Variants in RDH11 observed in about 807,000 individuals in gnomAD.
The protein encoded by RDH11 is HCV core-binding protein HCBP12.
In RDH11, 19 loss-of-function variants were observed where a neutral mutation model predicts 33.4. That is an observed-to-expected ratio of 0.57 (90% CI 0.40 to 0.83). The LOEUF is 0.83. Among genes scored for constraint, RDH11 ranks in the 40% least tolerant of loss-of-function variants. RDH11 has a pLI of 0.00. For missense variants in RDH11, 353 were observed against 389.0 expected (o/e 0.91, Z 0.78); for synonymous variants, 154 against 155.3 (o/e 0.99, Z 0.06).
At position 67,678,205 on chromosome 14, in the gene RDH11, G is replaced by C; in HGVS notation, c.*116C>G. On this transcript the variant is annotated 3_prime_UTR_variant, in exon 7 of 7. Coordinates refer to ENST00000381346, the MANE Select transcript of RDH11 (RefSeq NM_016026.4). ...ACTGGACACCAAGCAGGCAAGGCTG[G>C]AAGGTTTTGCTCTCTTTGTGCTAAA... The C allele has an allele frequency of 1.5e-6, 1 of 688,374 alleles. No homozygotes were observed. Among genetic ancestry groups the C allele is most frequent in the East Asian group, 2.6e-5 (1 of 38,480 alleles). The allele number at this position is 688,374 out of a possible 1,614,324, so 42.6% of individuals were successfully genotyped here.
chr14:67,688,790 A>G (rs1462110586), intron 5 of RDH11, among the ~76,000 whole-genome samples: 1 of 152,102 alleles, frequency 6.6e-6, no homozygotes, highest in Non-Finnish European at 1.5e-5. Context: ...CTGATTTTAC[A>G]TTTAATAGTT....
chr14:67,680,757 C>G (rs967385944), intron 6 of RDH11, among the ~76,000 whole-genome samples: 1 of 152,210 alleles, frequency 6.6e-6, no homozygotes, highest in African/African-American at 2.4e-5. Context: ...CCGCGCCCAG[C>G]CAAGTAAGAG....
intron 4 of RDH11, chr14:67,690,935 C>A (rs1322347487): frequency 3.5e-6 from 2 of 571,212 alleles, no homozygotes; most frequent in East Asian, 2.8e-5. Flanking sequence ...CAAACCAAAT[C>A]TAAATCACAG....
At chr14:67,679,724 T>C (rs1006468904) in intron 6 of RDH11, among the ~76,000 whole-genome samples, 11 of 152,144 alleles carry the variant, frequency 7.2e-5, no homozygotes, top group African/African-American at 2.7e-4. Context: ...AGTTTTATAA[T>C]TTTATAATTC....
At chr14:67,684,690 C>A in intron 6 of RDH11, 1 of 169,384 alleles carries the variant, frequency 5.9e-6, no homozygotes, top group Non-Finnish European at 1.2e-5. Context: ...CTGCGCCTGG[C>A]CTCAAATTCT....
chr14:67,685,337 C>T, intron 5 of RDH11, 133 bp from the exon 6 acceptor site: 1 of 652,840 alleles, frequency 1.5e-6, no homozygotes, highest in East Asian at 2.8e-5. Context: ...ATCAGAAGTA[C>T]TGCTCACAGT....
At chr14:67,683,155 T>A (rs2037635148) in intron 6 of RDH11, among the ~76,000 whole-genome samples, 1 of 152,246 alleles carries the variant, frequency 6.6e-6, no homozygotes, top group South Asian at 2.1e-4. Flanking sequence ...ACGGCTGCTG[T>A]TGGATCTTCA....
At position 67,683,387 on chromosome 14, in the gene RDH11, T is replaced by C. The variant is rs368130136; in HGVS notation, c.854+1628A>G. Among the ~76,000 whole-genome samples, 24 of 152,276 alleles carry C rather than the reference T, an allele frequency of 1.6e-4. 1 individual carries two copies. Among genetic ancestry groups the C allele is most frequent in the African/African-American group, 5.5e-4 (23 of 41,554 alleles). Reference sequence around the variant, plus strand: ...TATCTTCTTATACTTCAGAACCACATTTCCAACTATCTGCTATACATTTCT... The same window carrying C: ...TATCTTCTTATACTTCAGAACCACACTTCCAACTATCTGCTATACATTTCT... On this transcript the variant is annotated intron_variant, in intron 6 of 6. Coordinates refer to ENST00000381346, the MANE Select transcript of RDH11 (RefSeq NM_016026.4).
chr14:67,692,004 T>C (rs144479303), intron 3 of RDH11: 1 of 156,120 alleles, frequency 6.4e-6, no homozygotes, highest in Non-Finnish European at 1.4e-5. Flanking sequence ...CTTTGTCATG[T>C]CTCTGAGCTG....
chr14:67,682,496 A>C (rs2037627363), intron 6 of RDH11, among the ~76,000 whole-genome samples: 1 of 152,250 alleles, frequency 6.6e-6, no homozygotes, highest in South Asian at 2.1e-4. Context: ...CAAAAAGCGC[A>C]TGAAAGAATG....
At position 67,685,141 on chromosome 14, in the gene RDH11, G is replaced by T. The variant is rs2037661360; in HGVS notation, c.728C>A (p.Ser243Ter). The T allele has an allele frequency of 6.2e-7, 1 of 1,614,086 alleles. No homozygotes were observed. Among genetic ancestry groups the T allele is most frequent in the South Asian group, 1.1e-5 (1 of 91,082 alleles). ...CCACCACATCCATCTCATGAAAGAT[G>T]AGTGCCGAACCAGTTCAGATTGGAC... ...GTVQSELVRH[S>*]SFMRWMWWLF... The change falls in exon 6 of 7, where the codon TCA becomes TAA. Residue 243 changes from serine to a stop codon, truncating the protein, a stop_gained. Transcript: ENST00000381346. LOFTEE classifies it high-confidence loss of function.
chr14:67,686,618 G>A (rs1277325381), intron 5 of RDH11, among the ~76,000 whole-genome samples: 11 of 134,830 alleles, frequency 8.2e-5, no homozygotes, highest in African/African-American at 2.6e-4. Context: ...CAGCCTGGGC[G>A]ACAGAGTGAG....
chr14:67,682,414 A>G (rs1263269183), intron 6 of RDH11, among the ~76,000 whole-genome samples: 1 of 152,252 alleles, frequency 6.6e-6, no homozygotes, highest in African/African-American at 2.4e-5. Flanking sequence ...TCAACAATAA[A>G]AAGACAATTA....
Position 67,692,966 on chromosome 14 carries a change from C to T in RDH11, c.161G>A (p.Gly54Glu), listed in dbSNP as rs2037770648. 1 of 1,613,868 alleles carries T rather than the reference C, an allele frequency of 6.2e-7. No individual in the cohort carries two copies. ...AGCCAGCTCTTTGGCTGTCTCCTTC[C>T]CGATACCTGTATTAGCTCCTGTGAC... ...VVVTGANTGIGKETAKELAQR... is the reference protein window; with the variant it reads ...VVVTGANTGIEKETAKELAQR... The change falls in exon 2 of 7, where the codon GGG (glycine) becomes GAG (glutamate). Residue 54 changes from glycine to glutamate, a missense_variant. By Grantham distance (98) the Gly-to-Glu change is moderately conservative. Transcript: ENST00000381346.
chr14:67,695,210 T>C (rs1410666485), intron 1 of RDH11, among the ~76,000 whole-genome samples: 2 of 152,206 alleles, frequency 1.3e-5, no homozygotes, highest in Admixed American at 1.3e-4. Flanking sequence ...GCTATCAGTT[T>C]CAGAGGGCGA....
chr14:67,685,012 T>A lies in RDH11; in HGVS notation c.854+3A>T. On this transcript the variant is annotated splice_donor_region_variant and intron_variant, in intron 6 of 6. Coordinates refer to ENST00000381346, the MANE Select transcript of RDH11 (RefSeq NM_016026.4). ...CATCTGCAAAAAGAGATAACATTCATACCTGAAATGATTCCCACTTAGAAT... is the reference window on the plus strand; with the variant it reads ...CATCTGCAAAAAGAGATAACATTCAAACCTGAAATGATTCCCACTTAGAAT... 3.1e-6 allele frequency: 5 copies of A among 1,605,288 alleles called. No homozygotes were observed. Among genetic ancestry groups the A allele is most frequent in the Non-Finnish European group, 3.4e-6 (4 of 1,176,460 alleles).
At chr14:67,685,320 T>C in intron 5 of RDH11, 116 bp from the exon 6 acceptor site, 1 of 754,994 alleles carries the variant, frequency 1.3e-6, no homozygotes. Flanking sequence ...CTTTTGCCCA[T>C]GGTGACATCA....
At chr14:67,680,448 C>T (rs540245849) in intron 6 of RDH11, among the ~76,000 whole-genome samples, 35 of 152,258 alleles carry the variant, frequency 2.3e-4, no homozygotes, top group Admixed American at 9.8e-4. Flanking sequence ...AAAAACTAAT[C>T]AAATACTACA....
At chr14:67,691,386 T>G in intron 3 of RDH11, 142 bp from the exon 4 acceptor site, 3 of 615,642 alleles carry the variant, frequency 4.9e-6, no homozygotes. Context: ...TATTTTCTAT[T>G]GTTTTTCATT....
Sources: allele counts gnomAD v4.1 joint callset (sites outside exome capture counted in the v4.1 genomes callset), GRCh38; gene constraint gnomAD v4.1.1; transcripts MANE v1.5; gene names NCBI Gene and HGNC (gene_info 2026-07-23, HGNC 2026-07-21).